SNX29: variants seen among roughly 807,000 people sequenced by gnomAD.
SNX29 encodes the protein sorting nexin 29.
Under a neutral mutation model 102.1 loss-of-function variants are expected in SNX29, and 78 were observed. That is an observed-to-expected ratio of 0.76 (90% confidence interval 0.64 to 0.92). The LOEUF (loss-of-function observed/expected upper bound fraction) is 0.92, where lower values mean the gene tolerates loss of function less well. Ranked by LOEUF, SNX29 falls within the 40% of genes least tolerant of loss-of-function variation. The pLI, the probability that SNX29 is intolerant of heterozygous loss-of-function variation, is 0.00. For synonymous variants in SNX29, 580 were observed against 414.5 expected (o/e 1.40, Z -4.85); for missense variants, 1,280 against 1,061.7 (o/e 1.21, Z -2.86).
intron 14 of SNX29, among the ~76,000 whole-genome samples, chr16:12,207,852 TTG>T (rs1356086344): frequency 6.6e-6 from 1 of 152,154 alleles, no homozygotes; most frequent in Non-Finnish European, 1.5e-5. Flanking sequence ...TGGTCACGTC[TTG>T]TGTGTGTGCT....
Position 12,402,643 on chromosome 16 carries a change from C to G in SNX29, c.1956-805C>G, listed in dbSNP as rs529548987. 4.6e-5 allele frequency among the ~76,000 whole-genome samples: 7 copies of G among 152,320 alleles called. No homozygotes were observed. The South Asian group carries it at 1.4e-3, about 32-fold the overall frequency. ...AAGTCATCACAGAAGACAAAACAAT[C>G]ACATAACCAAAATATCTGTTAAACA... On this transcript the variant is annotated intron_variant, in intron 17 of 20. Coordinates refer to ENST00000566228, the MANE Select transcript of SNX29 (RefSeq NM_032167.5).
chr16:12,246,638 A>G (rs958904616), intron 14 of SNX29, among the ~76,000 whole-genome samples: 1 of 152,138 alleles, frequency 6.6e-6, no homozygotes, highest in Non-Finnish European at 1.5e-5. Flanking sequence ...CATAAAAAAG[A>G]AATAACAACA....
At chr16:12,424,543 A>G (rs2084983441) in intron 18 of SNX29, among the ~76,000 whole-genome samples, 1 of 152,182 alleles carries the variant, frequency 6.6e-6, no homozygotes, top group Admixed American at 6.5e-5. Context: ...AATTATTACT[A>G]ATTACATCTA....
intron 18 of SNX29, among the ~76,000 whole-genome samples, chr16:12,452,202 C>G (rs2086331259): frequency 6.6e-6 from 1 of 152,218 alleles, no homozygotes; most frequent in Admixed American, 6.5e-5. Context: ...TAATGCCCTT[C>G]AGTGATTCTT....
chr16:12,533,638 C>T (rs1464234434), intron 20 of SNX29, among the ~76,000 whole-genome samples: 1 of 152,152 alleles, frequency 6.6e-6, no homozygotes, highest in East Asian at 1.9e-4. Flanking sequence ...CAAATTGGGG[C>T]CTTGGTTCTG....
intron 19 of SNX29, among the ~76,000 whole-genome samples, chr16:12,488,961 G>T (rs1334040146): frequency 6.6e-6 from 1 of 152,100 alleles, no homozygotes; most frequent in Non-Finnish European, 1.5e-5. Flanking sequence ...ACTCCGTTGG[G>T]CATTAAACGT....
intron 17 of SNX29, among the ~76,000 whole-genome samples, chr16:12,401,945 C>G (rs1221918825): frequency 2.6e-5 from 4 of 152,196 alleles, no homozygotes; most frequent in Admixed American, 2.0e-4. Flanking sequence ...TAACCTCGCT[C>G]TAACCCTGGG....
intron 14 of SNX29, among the ~76,000 whole-genome samples, chr16:12,242,843 G>A (rs1311240695): frequency 6.6e-6 from 1 of 151,796 alleles, no homozygotes; most frequent in Non-Finnish European, 1.5e-5. Flanking sequence ...TGTATTTTTG[G>A]TAGTGACAGG....
chr16:12,129,678 C>T lies in SNX29; in HGVS notation c.1515C>T (p.Leu505=). 1 of 1,611,172 alleles carries T rather than the reference C, an allele frequency of 6.2e-7. No homozygotes were observed. The highest frequency in any genetic ancestry group is 1.1e-5 in the South Asian group (1 of 90,690). ...LDGEMEHSAA[L]RQEVDTLKRK... ...GTGAGATGGAGCACTCAGCCGCGCTCCGGCAAGAGGTGGACACCTTGAAAA... is the reference window on the plus strand; with the variant it reads ...GTGAGATGGAGCACTCAGCCGCGCTTCGGCAAGAGGTGGACACCTTGAAAA... The change falls in exon 13 of 21, where the codon CTC becomes CTT. Residue 505 remains leucine (L), a synonymous_variant. Transcript: ENST00000566228.
intron 15 of SNX29, among the ~76,000 whole-genome samples, chr16:12,323,049 C>T (rs564317): frequency 0.02 from 683 of 34,508 alleles, 7 homozygotes; most frequent in African/African-American, 0.031. Context: ...TGTCAGGATG[C>T]GGTCACTGGA....
At chr16:12,182,833 C>A (rs899045279) in intron 13 of SNX29, among the ~76,000 whole-genome samples, 2 of 149,324 alleles carry the variant, frequency 1.3e-5, no homozygotes, top group Admixed American at 6.8e-5. Flanking sequence ...AGTCAGAAGG[C>A]TGAGGCAGGA....
At chr16:12,318,296 T>G (rs962050546) in intron 15 of SNX29, among the ~76,000 whole-genome samples, 3 of 152,178 alleles carry the variant, frequency 2.0e-5, no homozygotes, top group Non-Finnish European at 2.9e-5. Context: ...ATCAGGCTGG[T>G]TTTTCTGCCC....
intron 13 of SNX29, among the ~76,000 whole-genome samples, chr16:12,184,662 T>G (rs916253820): frequency 1.3e-5 from 2 of 152,198 alleles, no homozygotes; most frequent in African/African-American, 4.8e-5. Context: ...CCAGGTACAT[T>G]GTCTTGGCTC....
At chr16:12,509,214 G>A (rs1357563550) in intron 19 of SNX29, among the ~76,000 whole-genome samples, 2 of 152,176 alleles carry the variant, frequency 1.3e-5, no homozygotes, top group African/African-American at 2.4e-5. Flanking sequence ...CTGGGTGACC[G>A]TCACAGTTGG....
At chr16:12,558,770 G>A (rs559340115) in intron 20 of SNX29, among the ~76,000 whole-genome samples, 55 of 152,316 alleles carry the variant, frequency 3.6e-4, no homozygotes, top group Admixed American at 2.6e-3. Context: ...TGATCATCCC[G>A]CATTGTACAA....
intron 16 of SNX29, among the ~76,000 whole-genome samples, chr16:12,398,173 C>G (rs1156658179): frequency 6.6e-6 from 1 of 152,184 alleles, no homozygotes; most frequent in Non-Finnish European, 1.5e-5. Context: ...ATTACATGCT[C>G]TTACATGCCT....
At chr16:12,522,096 C>G (rs932410571) in intron 19 of SNX29, among the ~76,000 whole-genome samples, 1 of 152,218 alleles carries the variant, frequency 6.6e-6, no homozygotes, top group African/African-American at 2.4e-5. Context: ...ACGCTTCCAT[C>G]TCCCACCTGG....
intron 13 of SNX29, among the ~76,000 whole-genome samples, chr16:12,143,993 C>T (rs1056077585): frequency 6.6e-6 from 1 of 152,130 alleles, no homozygotes; most frequent in African/African-American, 2.4e-5. Context: ...TTTCTCAAAC[C>T]TTAATGTACC....
At chr16:12,281,191 A>G (rs1195344160) in intron 15 of SNX29, among the ~76,000 whole-genome samples, 1 of 152,176 alleles carries the variant, frequency 6.6e-6, no homozygotes, top group African/African-American at 2.4e-5. Flanking sequence ...TGGGATCACA[A>G]GTGTATGCCA....
Sources: gnomAD v4.1 joint callset for allele counts (sites outside exome capture counted in the v4.1 genomes callset) on GRCh38, gnomAD v4.1.1 for gene constraint, MANE v1.5 for transcripts, NCBI Gene and HGNC (gene_info 2026-07-23, HGNC 2026-07-21) for gene names.